CNTNAP5: variants seen among roughly 807,000 people sequenced by gnomAD.
CNTNAP5 encodes the protein contactin-associated protein-like 5.
In CNTNAP5, 72 loss-of-function variants were observed where a neutral mutation model predicts 150.2. The ratio of observed to expected loss-of-function variants is 0.48; its 90% confidence interval spans 0.40 to 0.58. The LOEUF is 0.58. Ranked by LOEUF, CNTNAP5 falls within the 20% of genes least tolerant of loss-of-function variation. CNTNAP5 has a pLI of 0.00. For synonymous variants in CNTNAP5, 672 were observed against 619.8 expected (o/e 1.08, Z -1.25); for missense variants, 1,636 against 1,626.2 (o/e 1.01, Z -0.10).
intron 10 of CNTNAP5, among the ~76,000 whole-genome samples, chr2:124,555,727 A>T (rs1405917693): frequency 2.6e-5 from 4 of 152,150 alleles, no homozygotes; most frequent in Non-Finnish European, 5.9e-5. Context: ...GACACAGAAA[A>T]ACTCTGTCAT....
intron 8 of CNTNAP5, among the ~76,000 whole-genome samples, chr2:124,507,227 G>A (rs2104866542): frequency 6.6e-6 from 1 of 152,240 alleles, no homozygotes; most frequent in East Asian, 1.9e-4. Flanking sequence ...GAGAGGCCAA[G>A]GAGGGCAGAT....
intron 1 of CNTNAP5, among the ~76,000 whole-genome samples, chr2:124,179,561 C>A (rs1235517047): frequency 6.6e-6 from 1 of 152,138 alleles, no homozygotes; most frequent in Non-Finnish European, 1.5e-5. Flanking sequence ...AATCACAAAA[C>A]AACAAAGTTA....
intron 12 of CNTNAP5, among the ~76,000 whole-genome samples, chr2:124,626,802 C>A (rs755341100): frequency 6.6e-6 from 1 of 152,128 alleles, no homozygotes; most frequent in African/African-American, 2.4e-5. Flanking sequence ...AGCTAAGAAC[C>A]ACTAGCTTGA....
intron 11 of CNTNAP5, among the ~76,000 whole-genome samples, chr2:124,564,864 G>A (rs77346957): frequency 9.2e-5 from 14 of 152,186 alleles, no homozygotes; most frequent in Non-Finnish European, 1.9e-4. Context: ...GAAGGTAGAA[G>A]GGTAAGATAA....
intron 1 of CNTNAP5, among the ~76,000 whole-genome samples, chr2:124,104,818 G>A (rs1312558340): frequency 1.3e-5 from 2 of 152,164 alleles, no homozygotes; most frequent in Admixed American, 1.3e-4. Context: ...CAGCATAGGA[G>A]CCTATCATGC....
At chr2:124,329,263 G>A (rs1236631235) in intron 3 of CNTNAP5, among the ~76,000 whole-genome samples, 2 of 152,162 alleles carry the variant, frequency 1.3e-5, no homozygotes, top group Admixed American at 6.5e-5. Flanking sequence ...AAAATGTGTG[G>A]TGTGGTGACA....
At chr2:124,610,626 A>G (rs1677358347) in intron 12 of CNTNAP5, among the ~76,000 whole-genome samples, 1 of 152,200 alleles carries the variant, frequency 6.6e-6, no homozygotes, top group Non-Finnish European at 1.5e-5. Flanking sequence ...CATGAAATAC[A>G]TTTCCACAAA....
At chr2:124,562,572 A>G (rs941232840) in intron 10 of CNTNAP5, among the ~76,000 whole-genome samples, 2 of 152,232 alleles carry the variant, frequency 1.3e-5, no homozygotes, top group African/African-American at 2.4e-5. Context: ...TTCTAATTAT[A>G]TAAATATTTT....
chr2:124,726,436 G>A (rs1475728601), intron 13 of CNTNAP5, among the ~76,000 whole-genome samples: 2 of 152,020 alleles, frequency 1.3e-5, no homozygotes, highest in African/African-American at 4.8e-5. Flanking sequence ...CATGTAAGAT[G>A]TGCCTTGCTT....
At chr2:124,414,048 T>A (rs1020098093) in intron 3 of CNTNAP5, among the ~76,000 whole-genome samples, 8 of 151,942 alleles carry the variant, frequency 5.3e-5, no homozygotes, top group Non-Finnish European at 1.2e-4. Context: ...TGGGGTACCA[T>A]TTCCTGAGTT....
chr2:124,659,447 A>G (rs573872632), intron 13 of CNTNAP5, among the ~76,000 whole-genome samples: 1 of 152,294 alleles, frequency 6.6e-6, no homozygotes, highest in Admixed American at 6.5e-5. Flanking sequence ...AAAAAAATAA[A>G]CACAACATAA....
At chr2:124,659,507 A>G (rs1345277479) in intron 13 of CNTNAP5, among the ~76,000 whole-genome samples, 1 of 152,236 alleles carries the variant, frequency 6.6e-6, no homozygotes, top group Non-Finnish European at 1.5e-5. Flanking sequence ...CAGGAAAGGT[A>G]ATCTGAATCT....
chr2:124,533,590 C>T (rs1036051382), intron 10 of CNTNAP5, among the ~76,000 whole-genome samples: 2 of 152,174 alleles, frequency 1.3e-5, no homozygotes, highest in African/African-American at 4.8e-5. Context: ...GCCAGAGTCT[C>T]TCTGAAAAGT....
intron 19 of CNTNAP5, among the ~76,000 whole-genome samples, chr2:124,805,309 G>T (rs1214532885): frequency 1.3e-5 from 2 of 152,108 alleles, no homozygotes; most frequent in Non-Finnish European, 2.9e-5. Flanking sequence ...AAATAGAGAG[G>T]GGTGTGTGTG....
intron 3 of CNTNAP5, among the ~76,000 whole-genome samples, chr2:124,344,051 C>G (rs540587314): frequency 6.6e-6 from 1 of 152,224 alleles, no homozygotes; most frequent in Admixed American, 6.5e-5. Flanking sequence ...CAGAATGGCT[C>G]CAAGCCACCA....
intron 13 of CNTNAP5, among the ~76,000 whole-genome samples, chr2:124,648,430 G>A (rs1678252080): frequency 6.6e-6 from 1 of 152,082 alleles, no homozygotes; most frequent in Non-Finnish European, 1.5e-5. Context: ...TAGGCAGGGA[G>A]GCCAGCAAGA....
intron 13 of CNTNAP5, among the ~76,000 whole-genome samples, chr2:124,740,385 G>A (rs1680472109): frequency 6.6e-6 from 1 of 152,140 alleles, no homozygotes; most frequent in Non-Finnish European, 1.5e-5. Flanking sequence ...TACTATCATG[G>A]AAAACTGCTA....
chr2:124,246,114 G>A (rs938905784), intron 3 of CNTNAP5, among the ~76,000 whole-genome samples: 4 of 152,022 alleles, frequency 2.6e-5, no homozygotes, highest in African/African-American at 4.8e-5. Flanking sequence ...TATATAGTTT[G>A]TAGTGCTCTT....
At position 124,883,009 on chromosome 2, in the gene CNTNAP5, G is replaced by A. The variant is rs1677998100; in HGVS notation, c.3436+13247G>A. On this transcript the variant is annotated intron_variant, in intron 21 of 23. Transcript: ENST00000682447. ...ATACATGGGGATTATGGGAACTACA[G>A]TTTAAGATGAGGTTTGGTTGGGGAC... 1.3e-5 allele frequency among the ~76,000 whole-genome samples: 2 copies of A among 151,348 alleles called. 1 individual carries two copies. Among genetic ancestry groups the A allele is most frequent in the African/African-American group, 4.9e-5 (2 of 41,170 alleles).
Sources: allele counts gnomAD v4.1 joint callset (sites outside exome capture counted in the v4.1 genomes callset), GRCh38; gene constraint gnomAD v4.1.1; transcripts MANE v1.5; gene names NCBI Gene and HGNC (gene_info 2026-07-23, HGNC 2026-07-21).